The following PREP variants were observed in gnomAD, a reference collection of about 807,000 sequenced individuals.
The protein encoded by PREP is dJ355L5.1 (prolyl endopeptidase).
A neutral mutation model predicts 87.6 loss-of-function variants in PREP; 29 were observed. The ratio of observed to expected loss-of-function variants is 0.33; its 90% CI spans 0.25 to 0.45. The LOEUF is 0.45. Ranked by LOEUF, PREP falls within the 20% of genes least tolerant of loss-of-function variation. The probability of loss-of-function intolerance (pLI) is 1.00; values close to 1 mark genes in which losing one functional copy is unlikely to be tolerated. For synonymous variants in PREP, 337 were observed against 328.6 expected, an observed-to-expected ratio of 1.03 and a Z score of -0.28; for missense variants, 695 against 886.5, an observed-to-expected ratio of 0.78 and a Z score of 2.74.
Position 105,326,067 on chromosome 6 carries a change from C to CT in PREP, c.1214-2300dup, listed in dbSNP as rs761224863. Among the ~76,000 whole-genome samples, 11 of 152,280 alleles carry CT rather than the reference C, an allele frequency of 7.2e-5. 1 individual carries two copies. Among genetic ancestry groups the CT allele is most frequent in the Non-Finnish European group, 1.5e-4 (10 of 68,026 alleles). ...GTCACGTATGTAAAAAGGCGGCAAA[C>CT]TTTGTAACCCATGGAGATTTTGTTT... On this transcript the variant is annotated intron_variant, in intron 9 of 14. Coordinates refer to ENST00000652536, the MANE Select transcript of PREP (RefSeq NM_002726.5).
chr6:105,373,322 A>G, intron 5 of PREP, 47 bp downstream of exon 5: 1 of 1,570,236 alleles, frequency 6.4e-7, no homozygotes, highest in Non-Finnish European at 8.8e-7. Context: ...ACTTGAAGTC[A>G]CACTTCATTT....
chr6:105,307,047 A>T (rs375531920), intron 10 of PREP, among the ~76,000 whole-genome samples: 75 of 152,342 alleles, frequency 4.9e-4, no homozygotes, highest in African/African-American at 1.5e-3. Context: ...CAAGCTGACC[A>T]ATAAAAAAGC....
chr6:105,322,949 C>G, intron 10 of PREP: 1 of 1,257,178 alleles, frequency 8.0e-7, no homozygotes, highest in Non-Finnish European at 1.0e-6. Flanking sequence ...TGTTCTGATT[C>G]CTAATCTGTG....
At chr6:105,314,946 C>A (rs998669131) in intron 10 of PREP, among the ~76,000 whole-genome samples, 1 of 152,164 alleles carries the variant, frequency 6.6e-6, no homozygotes, top group Non-Finnish European at 1.5e-5. Context: ...CAGGTATAAA[C>A]ACAACATTCA....
intron 2 of PREP, among the ~76,000 whole-genome samples, chr6:105,383,317 C>G (rs1423120688): frequency 1.3e-5 from 2 of 150,504 alleles, no homozygotes; most frequent in Non-Finnish European, 2.9e-5. Flanking sequence ...CAAAAATCAG[C>G]AGCCCATCAG....
chr6:105,347,074 T>C lies in PREP; in HGVS notation c.823+5898A>G, dbSNP rs560681903. On this transcript the variant is annotated intron_variant, in intron 7 of 14. Transcript: ENST00000652536. ...AAAATGTATTCAGAACAGGGACTAA[T>C]GGTCAGCTCCTTTTTTGCTGCTATT... Among the ~76,000 whole-genome samples, 7 of 152,246 alleles carry C rather than the reference T, an allele frequency of 4.6e-5. No individual in the cohort carries two copies. The East Asian group carries it at 1.3e-3, about 29-fold the overall frequency.
intron 9 of PREP, 113 bp from the exon 10 acceptor site, chr6:105,323,881 A>G (rs1771081941): frequency 4.4e-6 from 4 of 911,296 alleles, no homozygotes; most frequent in Non-Finnish European, 7.0e-6. Flanking sequence ...ATCATTTATC[A>G]GGGACTTGGT....
chr6:105,303,801 C>T (rs1172371900), intron 10 of PREP, among the ~76,000 whole-genome samples: 1 of 152,160 alleles, frequency 6.6e-6, no homozygotes, highest in East Asian at 1.9e-4. Flanking sequence ...AGTGACAGAA[C>T]CTTGCAAGCT....
intron 6 of PREP, 21 bp downstream of exon 6, chr6:105,368,882 A>G: frequency 6.2e-7 from 1 of 1,612,974 alleles, no homozygotes; most frequent in Non-Finnish European, 8.5e-7. Context: ...TTGGGGGTAA[A>G]ATTTCACAGC....
At chr6:105,340,637 C>G (rs563033285) in intron 7 of PREP, among the ~76,000 whole-genome samples, 2 of 152,266 alleles carry the variant, frequency 1.3e-5, no homozygotes, top group Non-Finnish European at 2.9e-5. Context: ...GTGCTATATT[C>G]AGAAGACCCA....
intron 6 of PREP, among the ~76,000 whole-genome samples, chr6:105,355,401 A>G (rs150133914): frequency 1.3e-5 from 2 of 152,244 alleles, no homozygotes; most frequent in East Asian, 3.9e-4. Context: ...AATCAAGGTA[A>G]ACCCCATTAA....
intron 10 of PREP, among the ~76,000 whole-genome samples, chr6:105,290,505 A>G (rs1770279105): frequency 6.6e-6 from 1 of 152,158 alleles, no homozygotes; most frequent in Admixed American, 6.5e-5. Context: ...AATTCTCCCC[A>G]GGCTGACCCC....
chr6:105,395,454 G>C (rs530622643), intron 2 of PREP, among the ~76,000 whole-genome samples: 1 of 152,152 alleles, frequency 6.6e-6, no homozygotes, highest in South Asian at 2.1e-4. Context: ...CTGTAAAATG[G>C]GGGAAATAAA....
intron 8 of PREP, among the ~76,000 whole-genome samples, chr6:105,332,583 C>T (rs1771365162): frequency 6.6e-6 from 1 of 152,152 alleles, no homozygotes; most frequent in East Asian, 1.9e-4. Context: ...AGCAGTTCAC[C>T]ACCACCAAGT....
At chr6:105,400,053 A>G (rs1773384941) in intron 1 of PREP, among the ~76,000 whole-genome samples, 1 of 152,230 alleles carries the variant, frequency 6.6e-6, no homozygotes, top group Admixed American at 6.5e-5. Flanking sequence ...AACTAGGACA[A>G]GAAACATTCT....
intron 10 of PREP, among the ~76,000 whole-genome samples, chr6:105,294,802 C>G (rs912678239): frequency 6.6e-6 from 1 of 152,206 alleles, no homozygotes; most frequent in African/African-American, 2.4e-5. Context: ...TCTGTCATTT[C>G]CTTACCCCTG....
chr6:105,362,106 T>C (rs1174153495), intron 6 of PREP, among the ~76,000 whole-genome samples: 4 of 152,260 alleles, frequency 2.6e-5, no homozygotes, highest in African/African-American at 9.6e-5. Flanking sequence ...CTTGACATGA[T>C]ATAGGCACTA....
At chr6:105,332,776 G>A (rs1182280712) in intron 8 of PREP, among the ~76,000 whole-genome samples, 2 of 152,158 alleles carry the variant, frequency 1.3e-5, no homozygotes, top group African/African-American at 2.4e-5. Flanking sequence ...TGTGAAACAC[G>A]ACTGATACGG....
chr6:105,298,203 G>C (rs1770452872), intron 10 of PREP: 3 of 152,296 alleles, frequency 2.0e-5, no homozygotes, highest in African/African-American at 7.2e-5. Flanking sequence ...TCACCTGAGA[G>C]AGACCCAGAA....
Sources: allele counts gnomAD v4.1 joint callset (sites outside exome capture counted in the v4.1 genomes callset), GRCh38; gene constraint gnomAD v4.1.1; transcripts MANE v1.5; gene names NCBI Gene and HGNC (gene_info 2026-07-23, HGNC 2026-07-21).